POMGNT2: variants seen among roughly 807,000 people sequenced by gnomAD.
The protein encoded by POMGNT2 is protein O-linked mannose N-acetylglucosaminyltransferase 2 (beta 1,4-).
In POMGNT2, 32 loss-of-function variants were observed where a neutral mutation model predicts 37.8. The observed-to-expected ratio is 0.85, with a 90% CI of 0.64 to 1.14. The LOEUF is 1.14. Ranked by LOEUF, POMGNT2 falls within the 50% of genes most tolerant of loss-of-function variation. The probability of loss-of-function intolerance (pLI) is 0.00; values close to 1 mark genes in which losing one functional copy is unlikely to be tolerated. For synonymous variants in POMGNT2, 340 were observed against 336.8 expected (o/e 1.01, Z -0.10); for missense variants, 705 against 780.6 (o/e 0.90, Z 1.15).
chr3:43,081,028 A>G lies in POMGNT2; in HGVS notation c.404T>C (p.Leu135Pro). Residue 135 changes from leucine to proline, a missense_variant, in exon 2 of 2, where the codon CTG (leucine) becomes CCG (proline). Leu to Pro is a moderately conservative substitution (Grantham distance 98, BLOSUM62 -3). Coordinates refer to ENST00000344697, the MANE Select transcript of POMGNT2 (RefSeq NM_032806.6). Reference protein sequence around the residue: ...HNTQYFNFVELPAAALRFMPK... With the variant: ...HNTQYFNFVEPPAAALRFMPK... Reference sequence around the variant, plus strand: ...CATGAAGCGCAGGGCAGCAGCAGGCAGCTCCACGAAGTTGAAGTACTGAGT... The same window carrying G: ...CATGAAGCGCAGGGCAGCAGCAGGCGGCTCCACGAAGTTGAAGTACTGAGT... 1 of 1,614,230 alleles carries G rather than the reference A, an allele frequency of 6.2e-7. No individual in the cohort carries two copies. Among genetic ancestry groups the G allele is most frequent in the Non-Finnish European group, 8.5e-7 (1 of 1,180,030 alleles).
intron 1 of POMGNT2, among the ~76,000 whole-genome samples, chr3:43,097,357 T>G (rs1390836119): frequency 6.6e-6 from 1 of 152,096 alleles, no homozygotes; most frequent in Non-Finnish European, 1.5e-5. Context: ...TGGGCTCCCA[T>G]AACAGAATAC....
Position 43,079,599 on chromosome 3 carries a change from G to T in POMGNT2, c.*90C>A. 8.4e-7 allele frequency: 1 copy of T among 1,190,990 alleles called. No individual in the cohort carries two copies. The highest frequency in any genetic ancestry group is 1.2e-6 in the Non-Finnish European group (1 of 841,526). The allele number at this position is 1,190,990 out of a possible 1,614,324, so 73.8% of individuals were successfully genotyped here. ...GAGGCACAGGCCTGCTCAATAAATA[G>T]TTCCCAGAAGTCTCCACAGTGGGAT... On this transcript the variant is annotated 3_prime_UTR_variant, in exon 2 of 2. Coordinates refer to ENST00000344697, the MANE Select transcript of POMGNT2 (RefSeq NM_032806.6).
intron 1 of POMGNT2, among the ~76,000 whole-genome samples, chr3:43,105,567 C>G (rs1358876889): frequency 6.7e-6 from 1 of 150,226 alleles, no homozygotes; most frequent in Non-Finnish European, 1.5e-5. Flanking sequence ...GTCCCCGGCC[C>G]CCGGCCCCCG....
intron 1 of POMGNT2, among the ~76,000 whole-genome samples, chr3:43,082,663 C>G (rs899594903): frequency 2.0e-5 from 3 of 152,206 alleles, no homozygotes; most frequent in Non-Finnish European, 2.9e-5. Flanking sequence ...CAGGTAACAG[C>G]TGACACCTGC....
At position 43,091,060 on chromosome 3, in the gene POMGNT2, C is replaced by T. The variant is rs145858262; in HGVS notation, c.-105-9524G>A. ...CTAAGGAAATGGTTGGAATTATAGG[C>T]GTTCCTAGTTCAGTTCACCAAGAGG... On this transcript the variant is annotated intron_variant, in intron 1 of 1. Transcript: ENST00000344697. 3.9e-3 allele frequency among the ~76,000 whole-genome samples: 601 copies of T among 152,202 alleles called. 4 individuals are homozygous for T. The highest frequency in any genetic ancestry group is 0.013 in the South Asian group (65 of 4,830).
Position 43,081,314 on chromosome 3 carries a change from G to T in POMGNT2, c.118C>A (p.Arg40=). The change falls in exon 2 of 2, where the codon CGA becomes AGA. Residue 40 remains arginine (R), a synonymous_variant. Transcript: ENST00000344697. The stretch of plus-strand genomic sequence containing the variant: ...GCTGGGGCTGGCTCTGTGGCCTGTC[G>T]GCTGAGGGCCAGCTCCTCCTCCAGT... ...ATLEEELALS[R]QATEPAPALR... The T allele has an allele frequency of 6.2e-7, 1 of 1,612,002 alleles. No individual in the cohort carries two copies.
chr3:43,088,189 C>T (rs1474692897), intron 1 of POMGNT2: 2 of 152,226 alleles, frequency 1.3e-5, no homozygotes, highest in East Asian at 1.9e-4. Context: ...TTTGGACATA[C>T]GTGGCTGCCT....
At chr3:43,082,322 GC>G (rs1225801940) in intron 1 of POMGNT2, among the ~76,000 whole-genome samples, 12 of 152,224 alleles carry the variant, frequency 7.9e-5, no homozygotes, top group Non-Finnish European at 1.2e-4. Flanking sequence ...CGTATGGTCA[GC>G]TAAGCTTTGC....
intron 1 of POMGNT2, among the ~76,000 whole-genome samples, chr3:43,104,714 C>G (rs2090044712): frequency 6.6e-6 from 1 of 152,168 alleles, no homozygotes; most frequent in African/African-American, 2.4e-5. Context: ...AACCTGGACT[C>G]CAAGCACCTC....
At chr3:43,085,849 T>C (rs2089893993) in intron 1 of POMGNT2, among the ~76,000 whole-genome samples, 1 of 152,180 alleles carries the variant, frequency 6.6e-6, no homozygotes, top group African/African-American at 2.4e-5. Context: ...TGTTTTGTTC[T>C]GTGCTCACTG....
At chr3:43,091,984 G>A (rs976488270) in intron 1 of POMGNT2, among the ~76,000 whole-genome samples, 9 of 152,330 alleles carry the variant, frequency 5.9e-5, no homozygotes, top group Non-Finnish European at 1.2e-4. Context: ...AAGGGAAGAT[G>A]GAGGAGCTGC....
rs754995312 is a variant in POMGNT2, at chr3:43,080,415, G to A, written c.1017C>T (p.Ser339=). 6.2e-7 allele frequency: 1 copy of A among 1,614,166 alleles called. No homozygotes were observed. Among genetic ancestry groups the A allele is most frequent in the South Asian group, 1.1e-5 (1 of 91,078 alleles). ...ADVVRLVSNA[S]MLVSMHGAQL... ...GGGCCCCATGCATGCTGACCAGCAT[G>A]GAGGCATTGCTGACCAGCCGCACGA... Residue 339 remains serine, a synonymous_variant, in exon 2 of 2, where the codon TCC becomes TCT. Coordinates refer to ENST00000344697, the MANE Select transcript of POMGNT2 (RefSeq NM_032806.6).
At position 43,081,061 on chromosome 3, in the gene POMGNT2, T is replaced by C. The variant is rs1215571884; in HGVS notation, c.371A>G (p.Asp124Gly). The C allele has an allele frequency of 6.2e-7, 1 of 1,614,144 alleles. No individual in the cohort carries two copies. Among genetic ancestry groups the C allele is most frequent in the East Asian group, 2.2e-5 (1 of 44,870 alleles). ...PALLDLSTVE[D>G]HNTQYFNFVE... ...GAAGTTGAAGTACTGAGTGTTGTGG[T>C]CCTCCACGGTGGATAGGTCGAGCAG... Residue 124 changes from aspartate (D) to glycine (G), a missense_variant, in exon 2 of 2, where the codon GAC becomes GGC. Asp to Gly is a moderately conservative substitution (Grantham distance 94, BLOSUM62 -1). Transcript: ENST00000344697.
At chr3:43,103,388 T>G (rs920140310) in intron 1 of POMGNT2, among the ~76,000 whole-genome samples, 4 of 151,996 alleles carry the variant, frequency 2.6e-5, no homozygotes, top group Non-Finnish European at 5.9e-5. Context: ...AAGGCATTTC[T>G]TCTCATACAC....
At chr3:43,091,549 G>C (rs564632369) in intron 1 of POMGNT2, among the ~76,000 whole-genome samples, 4 of 152,216 alleles carry the variant, frequency 2.6e-5, no homozygotes, top group Non-Finnish European at 5.9e-5. Context: ...TTGCAGGCAA[G>C]ATCTGCTGAT....
intron 1 of POMGNT2, among the ~76,000 whole-genome samples, chr3:43,102,405 C>A (rs911808872): frequency 5.3e-5 from 8 of 152,220 alleles, no homozygotes; most frequent in Admixed American, 3.9e-4. Flanking sequence ...GCAGTCACCA[C>A]TGGCAGAGTG....
intron 1 of POMGNT2, among the ~76,000 whole-genome samples, chr3:43,086,434 T>G (rs576206557): frequency 6.6e-6 from 1 of 152,342 alleles, no homozygotes; most frequent in East Asian, 1.9e-4. Flanking sequence ...AGTTATGCCT[T>G]ATTAATAGCA....
In POMGNT2 at chr3:43,081,399, C is replaced by G; in HGVS notation, c.33G>C (p.Leu11=). 1 of 1,596,600 alleles carries G rather than the reference C, an allele frequency of 6.3e-7. No individual in the cohort carries two copies. The highest frequency in any genetic ancestry group is 8.5e-7 in the Non-Finnish European group (1 of 1,172,768). MHLSAVFNAL[L]VSVLAAVLWK... ...ACAGGACCGCTGCCAGCACCGACAC[C>G]AGGAGGGCGTTGAACACCGCCGAGA... Residue 11 remains leucine (L), a synonymous_variant, in exon 2 of 2, where the codon CTG becomes CTC. Coordinates refer to ENST00000344697, the MANE Select transcript of POMGNT2 (RefSeq NM_032806.6).
chr3:43,093,095 G>A (rs534195280), intron 1 of POMGNT2, among the ~76,000 whole-genome samples: 8 of 152,326 alleles, frequency 5.3e-5, no homozygotes, highest in African/African-American at 1.9e-4. Flanking sequence ...TCTGCCACCT[G>A]CCCCTCTCTT....
Sources: allele counts gnomAD v4.1 joint callset (sites outside exome capture counted in the v4.1 genomes callset), GRCh38; gene constraint gnomAD v4.1.1; transcripts MANE v1.5; gene names NCBI Gene and HGNC (gene_info 2026-07-23, HGNC 2026-07-21).